DIP2C: variants seen among roughly 807,000 people sequenced by gnomAD.
DIP2C encodes the protein disco-interacting protein 2 homolog C.
Under a neutral mutation model 192.4 loss-of-function variants are expected in DIP2C, and 33 were observed. The ratio of observed to expected loss-of-function variants is 0.17; its 90% CI spans 0.13 to 0.23. The LOEUF is 0.23. Among genes scored for constraint, DIP2C ranks in the 10% least tolerant of loss-of-function variants. The probability of loss-of-function intolerance (pLI) is 1.00; values close to 1 mark genes in which losing one functional copy is unlikely to be tolerated. For missense variants in DIP2C, 1,537 were observed against 2,110.1 expected (o/e 0.73, Z 5.32); for synonymous variants, 979 against 864.1 (o/e 1.13, Z -2.33).
At chr10:435,721 C>G (rs1364315192) in intron 4 of DIP2C, among the ~76,000 whole-genome samples, 1 of 152,212 alleles carries the variant, frequency 6.6e-6, no homozygotes, top group African/African-American at 2.4e-5. Flanking sequence ...TCAAGATTAT[C>G]ACGTATGGAA....
chr10:409,350 G>T (rs766082575), intron 8 of DIP2C, among the ~76,000 whole-genome samples: 5 of 152,204 alleles, frequency 3.3e-5, no homozygotes, highest in Non-Finnish European at 7.3e-5. Context: ...CGTCGTCACA[G>T]GGCTGGGATC....
At chr10:409,610 G>A (rs558815908) in intron 8 of DIP2C, among the ~76,000 whole-genome samples, 15 of 152,292 alleles carry the variant, frequency 9.8e-5, no homozygotes, top group African/African-American at 3.6e-4. Context: ...AGTCCTCTGG[G>A]GCCACCGCAA....
chr10:462,093 G>C (rs1046418421), intron 3 of DIP2C, among the ~76,000 whole-genome samples: 1 of 152,046 alleles, frequency 6.6e-6, no homozygotes, highest in Non-Finnish European at 1.5e-5. Context: ...ATCTAAAATC[G>C]ATACCCTAAC....
intron 1 of DIP2C, among the ~76,000 whole-genome samples, chr10:672,918 T>G (rs1359143681): frequency 6.6e-6 from 1 of 152,194 alleles, no homozygotes; most frequent in Non-Finnish European, 1.5e-5. Flanking sequence ...AAAAATTACA[T>G]GTACAAAAAA....
intron 1 of DIP2C, among the ~76,000 whole-genome samples, chr10:649,079 G>T (rs1306505278): frequency 6.8e-6 from 1 of 147,236 alleles, no homozygotes; most frequent in African/African-American, 2.5e-5. Context: ...GAGAACATAG[G>T]GAAACTGAGT....
chr10:485,089 G>A (rs773873213), intron 2 of DIP2C: 42 of 1,135,244 alleles, frequency 3.7e-5, no homozygotes, highest in East Asian at 2.1e-4. Context: ...CGCCCTCTGC[G>A]CCCGGCTAAG....
intron 1 of DIP2C, among the ~76,000 whole-genome samples, chr10:568,081 G>A (rs139292147): frequency 2.6e-5 from 4 of 152,298 alleles, no homozygotes; most frequent in Admixed American, 6.5e-5. Context: ...CCACAGCTGC[G>A]TGAGCTGTCA....
chr10:276,627 CTTATT>C lies in DIP2C; in HGVS notation c.*693_*697del, dbSNP rs1032076209. 7.2e-5 allele frequency: 11 copies of C among 152,560 alleles called. No homozygotes were observed. Among genetic ancestry groups the C allele is most frequent in the South Asian group, 4.1e-4 (2 of 4,824 alleles). 9.5% of individuals were successfully genotyped at this position (152,560 alleles called of 1,614,324 possible). ...CATAATTACATATTGAGGAAGTTAA[CTTATT>C]TTATCTTTTTAGTTTAGTACAAAGA... On this transcript the variant is annotated 3_prime_UTR_variant, in exon 37 of 37. Transcript: ENST00000280886.
At chr10:452,626 C>T (rs551839940) in intron 3 of DIP2C, among the ~76,000 whole-genome samples, 66 of 152,334 alleles carry the variant, frequency 4.3e-4, no homozygotes, top group Middle Eastern at 6.8e-3. Context: ...CAACGTGACA[C>T]CTAGAGGGAA....
intron 3 of DIP2C, among the ~76,000 whole-genome samples, chr10:451,808 G>T (rs10795161): frequency 0.6 from 90,608 of 152,038 alleles, 27,370 homozygotes; most frequent in East Asian, 0.7. Context: ...AAGCAATCAT[G>T]TGGGGAAGGA....
intron 1 of DIP2C, among the ~76,000 whole-genome samples, chr10:508,225 C>T (rs1845763565): frequency 6.6e-6 from 1 of 152,112 alleles, no homozygotes; most frequent in Non-Finnish European, 1.5e-5. Flanking sequence ...CTGAAAATAT[C>T]CAAATCTTAC....
intron 1 of DIP2C, among the ~76,000 whole-genome samples, chr10:549,581 C>T (rs1848482814): frequency 6.6e-6 from 1 of 152,134 alleles, no homozygotes; most frequent in African/African-American, 2.4e-5. Context: ...GGAGAAGCAG[C>T]ACCACAGGCC....
intron 34 of DIP2C, among the ~76,000 whole-genome samples, chr10:285,991 G>C (rs1021628929): frequency 1.3e-5 from 2 of 152,192 alleles, no homozygotes; most frequent in African/African-American, 4.8e-5. Context: ...AAGAAATAAA[G>C]AAACTCAGTC....
intron 1 of DIP2C, among the ~76,000 whole-genome samples, chr10:509,166 T>C (rs908215822): frequency 6.6e-6 from 1 of 152,156 alleles, no homozygotes; most frequent in South Asian, 2.1e-4. Context: ...ATTGGTTTTT[T>C]AGACTGACTG....
chr10:608,144 CCCCCCACACACA>C (rs1356484699), intron 1 of DIP2C, among the ~76,000 whole-genome samples: 3 of 82,448 alleles, frequency 3.6e-5, no homozygotes, highest in Non-Finnish European at 6.1e-5. Context: ...CACACACAGC[CCCCCCACACACA>C]CCCCCACAGC....
chr10:596,383 CT>C (rs1851697970), intron 1 of DIP2C, among the ~76,000 whole-genome samples: 1 of 149,368 alleles, frequency 6.7e-6, no homozygotes. Flanking sequence ...GTAATCCCAG[CT>C]ACTTGGGAGG....
Position 569,350 on chromosome 10 carries a change from T to G in DIP2C, c.86-82820A>C, listed in dbSNP as rs1029833120. 3.9e-5 allele frequency among the ~76,000 whole-genome samples: 6 copies of G among 152,210 alleles called. 1 individual carries two copies. Among genetic ancestry groups the G allele is most frequent in the African/African-American group, 1.4e-4 (6 of 41,444 alleles). On this transcript the variant is annotated intron_variant, in intron 1 of 36. Transcript: ENST00000280886. ...CCCTCAATGGAGATGCACCATCCTGTGTTTAACACAGATTTGAGTTTTGTA... is the reference window on the plus strand; with the variant it reads ...CCCTCAATGGAGATGCACCATCCTGGGTTTAACACAGATTTGAGTTTTGTA...
chr10:641,476 C>T (rs1262140414), intron 1 of DIP2C, among the ~76,000 whole-genome samples: 2 of 152,174 alleles, frequency 1.3e-5, no homozygotes, highest in South Asian at 4.1e-4. Context: ...GATGTTCCCC[C>T]ACCAGCCCTC....
chr10:459,273 T>C (rs1969557106), intron 3 of DIP2C, among the ~76,000 whole-genome samples: 1 of 149,112 alleles, frequency 6.7e-6, no homozygotes, highest in Non-Finnish European at 1.5e-5. Context: ...ACAGGAGACA[T>C]GGCCGTGTCA....
Sources: gnomAD v4.1 joint callset for allele counts (sites outside exome capture counted in the v4.1 genomes callset) on GRCh38, gnomAD v4.1.1 for gene constraint, MANE v1.5 for transcripts, NCBI Gene and HGNC (gene_info 2026-07-23, HGNC 2026-07-21) for gene names.